The following PCDH9 variants were observed in gnomAD, a reference collection of about 807,000 sequenced individuals.
The protein encoded by PCDH9 is protocadherin 9, also known as protocadherin-9.
Under a neutral mutation model 70.6 loss-of-function variants are expected in PCDH9, and 24 were observed. That is an observed-to-expected ratio of 0.34 (90% CI 0.25 to 0.48). The LOEUF (loss-of-function observed/expected upper bound fraction) is 0.48. Among genes scored for constraint, PCDH9 ranks in the 20% least tolerant of loss-of-function variants. The pLI, the probability that PCDH9 is intolerant of heterozygous loss-of-function variation, is 0.99. For synonymous variants in PCDH9, 562 were observed against 558.5 expected, an observed-to-expected ratio of 1.01 and a Z score of -0.09; for missense variants, 1,281 against 1,503.6, an observed-to-expected ratio of 0.85 and a Z score of 2.45.
intron 3 of PCDH9, among the ~76,000 whole-genome samples, chr13:66,695,801 T>C (rs1046134072): frequency 1.3e-5 from 2 of 152,170 alleles, no homozygotes; most frequent in Admixed American, 6.5e-5. Context: ...TGAGATTAAA[T>C]GTAGTTCACA....
chr13:67,086,726 G>T (rs1213677283), intron 2 of PCDH9, among the ~76,000 whole-genome samples: 1 of 152,062 alleles, frequency 6.6e-6, no homozygotes. Flanking sequence ...TAAAGAAAAA[G>T]ATAAAGATGT....
intron 4 of PCDH9, among the ~76,000 whole-genome samples, chr13:66,625,826 CA>C (rs2077491169): frequency 6.6e-6 from 1 of 151,724 alleles, no homozygotes; most frequent in South Asian, 2.1e-4. Context: ...ACACCTGGCT[CA>C]TTTTTTTTGT....
chr13:66,523,141 A>T (rs542707884), intron 4 of PCDH9, among the ~76,000 whole-genome samples: 1 of 152,006 alleles, frequency 6.6e-6, no homozygotes, highest in Non-Finnish European at 1.5e-5. Context: ...TTGAAAGTTC[A>T]ATCATTATCT....
intron 3 of PCDH9, among the ~76,000 whole-genome samples, chr13:66,844,038 C>T (rs542996164): frequency 1.3e-4 from 19 of 151,864 alleles, no homozygotes; most frequent in African/African-American, 4.1e-4. Context: ...ATCTGAGCAA[C>T]TACTGACAAA....
At chr13:66,835,019 A>G (rs1353347193) in intron 3 of PCDH9, among the ~76,000 whole-genome samples, 1 of 152,250 alleles carries the variant, frequency 6.6e-6, no homozygotes, top group East Asian at 1.9e-4. Flanking sequence ...TAATCATTAC[A>G]GAAGTTTATT....
intron 3 of PCDH9, among the ~76,000 whole-genome samples, chr13:66,838,571 TTCA>T (rs2081062959): frequency 6.6e-6 from 1 of 151,962 alleles, no homozygotes; most frequent in Non-Finnish European, 1.5e-5. Context: ...TTTGTTCTAC[TTCA>T]TTAAAATTAA....
chr13:66,714,063 C>A (rs532517494), intron 3 of PCDH9, among the ~76,000 whole-genome samples: 13 of 151,970 alleles, frequency 8.6e-5, no homozygotes, highest in Non-Finnish European at 1.3e-4. Flanking sequence ...AAGGCTATTG[C>A]AGGATACTAG....
chr13:67,013,308 T>G (rs186219152), intron 2 of PCDH9, among the ~76,000 whole-genome samples: 244 of 135,268 alleles, frequency 1.8e-3, no homozygotes, highest in African/African-American at 6.3e-3. Context: ...ATCCTACACA[T>G]ATTTCCCCTT....
At chr13:66,907,356 A>C (rs2082379838) in intron 2 of PCDH9, among the ~76,000 whole-genome samples, 2 of 152,342 alleles carry the variant, frequency 1.3e-5, no homozygotes, top group Admixed American at 1.3e-4. Flanking sequence ...TATGTAAATC[A>C]AACTTGAGAA....
At chr13:66,872,425 T>C (rs1232783674) in intron 3 of PCDH9, among the ~76,000 whole-genome samples, 1 of 151,918 alleles carries the variant, frequency 6.6e-6, no homozygotes, top group African/African-American at 2.4e-5. Context: ...GCTCATGTCT[T>C]CAGCACACAT....
At chr13:66,592,224 AC>A (rs2077047409) in intron 4 of PCDH9, among the ~76,000 whole-genome samples, 1 of 151,784 alleles carries the variant, frequency 6.6e-6, no homozygotes, top group Admixed American at 6.6e-5. Context: ...CAAAACAACA[AC>A]AAAAAAATAG....
intron 2 of PCDH9, among the ~76,000 whole-genome samples, chr13:67,083,758 A>G (rs1486519092): frequency 6.6e-6 from 1 of 152,220 alleles, no homozygotes; most frequent in Non-Finnish European, 1.5e-5. Flanking sequence ...GGGCTGTTCT[A>G]GAAACTGCCT....
chr13:66,970,626 GA>G (rs767546503), intron 2 of PCDH9, among the ~76,000 whole-genome samples: 1,107 of 53,358 alleles, frequency 0.021, 4 homozygotes, highest in South Asian at 0.068. Context: ...GACCCTGTCT[GA>G]AAAAAAAAAA....
intron 2 of PCDH9, among the ~76,000 whole-genome samples, chr13:67,144,687 C>T (rs895568815): frequency 1.3e-5 from 2 of 152,046 alleles, no homozygotes; most frequent in African/African-American, 4.8e-5. Flanking sequence ...CTTTGTATAT[C>T]AGATCCAATG....
At chr13:66,775,843 T>C (rs1427853879) in intron 3 of PCDH9, among the ~76,000 whole-genome samples, 3 of 152,188 alleles carry the variant, frequency 2.0e-5, no homozygotes, top group Admixed American at 1.3e-4. Context: ...CTAACTCCAA[T>C]GCTGTTCAGC....
chr13:67,223,429 G>GT (rs1279354472), intron 2 of PCDH9: 1 of 152,064 alleles, frequency 6.6e-6, no homozygotes, highest in Non-Finnish European at 1.5e-5. Context: ...GAAAGAAAAT[G>GT]TCAGATTTTA....
chr13:66,347,744 A>T (rs1201259851), intron 4 of PCDH9, among the ~76,000 whole-genome samples: 1 of 152,110 alleles, frequency 6.6e-6, no homozygotes, highest in African/African-American at 2.4e-5. Context: ...AGCTCTGCCG[A>T]CCTTCAGCTG....
chr13:66,465,862 A>G (rs924948396), intron 4 of PCDH9, among the ~76,000 whole-genome samples: 1 of 151,950 alleles, frequency 6.6e-6, no homozygotes, highest in African/African-American at 2.4e-5. Context: ...GGAAAATTCA[A>G]TAAGCTCTTA....
chr13:66,625,962 C>A (rs1409709882), intron 4 of PCDH9, among the ~76,000 whole-genome samples: 1 of 152,028 alleles, frequency 6.6e-6, no homozygotes, highest in Non-Finnish European at 1.5e-5. Flanking sequence ...TGGCACCTGG[C>A]CTATATGTTG....
Sources: allele counts gnomAD v4.1 joint callset (sites outside exome capture counted in the v4.1 genomes callset), GRCh38; gene constraint gnomAD v4.1.1; transcripts MANE v1.5; gene names NCBI Gene and HGNC (gene_info 2026-07-23, HGNC 2026-07-21).